RGS6: variants seen among roughly 807,000 people sequenced by gnomAD.
The protein encoded by RGS6 is regulator of G protein signaling 6.
RGS6 carries 30 observed loss-of-function variants against 78.5 expected under a neutral mutation model. That is an observed-to-expected ratio of 0.38 (90% CI 0.29 to 0.52). The LOEUF (loss-of-function observed/expected upper bound fraction) is 0.52. Among genes scored for constraint, RGS6 ranks in the 20% least tolerant of loss-of-function variants. The probability of loss-of-function intolerance (pLI) is 0.85; values close to 1 mark genes in which losing one functional copy is unlikely to be tolerated. For missense variants in RGS6, 495 were observed against 609.7 expected (o/e 0.81, Z 1.98); for synonymous variants, 206 against 206.0 (o/e 1.00, Z 0.00).
Position 72,256,631 on chromosome 14 carries a change from G to A in RGS6, c.85-95464G>A, listed in dbSNP as rs1014751817. Among the ~76,000 whole-genome samples, 6 of 152,264 alleles carry A rather than the reference G, an allele frequency of 3.9e-5. No homozygotes were observed. In the South Asian group the frequency reaches 6.2e-4, roughly 16 times the overall value. ...TTTTCAGTCCCTAAACAAGGAGGGG[G>A]TTAGTTTTGGGAAAGGGCTATTATC... On this transcript the variant is annotated intron_variant, in intron 2 of 17. Coordinates refer to ENST00000553525, the MANE Select transcript of RGS6 (RefSeq NM_001204424.2).
chr14:71,997,011 G>T (rs531149173), intron 2 of RGS6, among the ~76,000 whole-genome samples: 1 of 152,292 alleles, frequency 6.6e-6, no homozygotes, highest in Admixed American at 6.5e-5. Context: ...GATCCAAGGT[G>T]CAGGAAATGG....
intron 2 of RGS6, among the ~76,000 whole-genome samples, chr14:72,128,781 C>T (rs1489481161): frequency 1.3e-5 from 2 of 152,194 alleles, no homozygotes; most frequent in Non-Finnish European, 2.9e-5. Flanking sequence ...AAACGCCTGC[C>T]TGGAGTCCTT....
At chr14:72,515,137 A>G (rs920463500) in intron 14 of RGS6, among the ~76,000 whole-genome samples, 2 of 152,210 alleles carry the variant, frequency 1.3e-5, no homozygotes, top group Non-Finnish European at 2.9e-5. Flanking sequence ...TCCAAGGCAG[A>G]CAGAAGGCCA....
intron 2 of RGS6, among the ~76,000 whole-genome samples, chr14:72,237,884 T>TA (rs1255817708): frequency 1.3e-5 from 2 of 152,178 alleles, no homozygotes; most frequent in Non-Finnish European, 2.9e-5. Context: ...TCATAGCAGT[T>TA]ACTATCTGCA....
chr14:72,083,143 T>C (rs2094892256), intron 2 of RGS6, among the ~76,000 whole-genome samples: 1 of 152,202 alleles, frequency 6.6e-6, no homozygotes, highest in African/African-American at 2.4e-5. Flanking sequence ...CTATAAGGTC[T>C]CAGCCACAAT....
At chr14:72,435,598 T>C (rs1467713873) in intron 3 of RGS6, among the ~76,000 whole-genome samples, 1 of 152,154 alleles carries the variant, frequency 6.6e-6, no homozygotes, top group East Asian at 1.9e-4. Flanking sequence ...AATCCAGGTA[T>C]TGGCAACAGA....
intron 6 of RGS6, chr14:72,464,769 A>G (rs1466390184): frequency 6.6e-6 from 1 of 152,240 alleles, no homozygotes; most frequent in African/African-American, 2.4e-5. Flanking sequence ...AAACAGGGAA[A>G]CCAGGGGCCA....
intron 3 of RGS6, among the ~76,000 whole-genome samples, chr14:72,355,932 A>G (rs1227416172): frequency 6.6e-6 from 1 of 152,170 alleles, no homozygotes; most frequent in Non-Finnish European, 1.5e-5. Context: ...AGTCAAGAAA[A>G]TAAGGAGAGT....
At chr14:72,265,963 G>T (rs2059000694) in intron 2 of RGS6, among the ~76,000 whole-genome samples, 1 of 151,924 alleles carries the variant, frequency 6.6e-6, no homozygotes, top group African/African-American at 2.4e-5. Context: ...GAGGCAGGTG[G>T]GAGGTGTACA....
At chr14:72,407,020 A>G (rs2092991084) in intron 3 of RGS6, among the ~76,000 whole-genome samples, 1 of 152,244 alleles carries the variant, frequency 6.6e-6, no homozygotes. Context: ...ACATTGGGTA[A>G]TGAAAACTGT....
chr14:72,567,048 G>A (rs2097714132), downstream of RGS6, among the ~76,000 whole-genome samples: 1 of 152,176 alleles, frequency 6.6e-6, no homozygotes, highest in Non-Finnish European at 1.5e-5. Flanking sequence ...GAGGATGAGC[G>A]CAAGGTAAAA....
chr14:72,079,345 TTATCA>T (rs1004266570), intron 2 of RGS6, among the ~76,000 whole-genome samples: 3 of 152,192 alleles, frequency 2.0e-5, no homozygotes, highest in African/African-American at 7.2e-5. Context: ...CTTAGCTATA[TTATCA>T]TATATTTATT....
intron 3 of RGS6, among the ~76,000 whole-genome samples, chr14:72,362,602 A>G (rs2081659857): frequency 6.6e-6 from 1 of 152,182 alleles, no homozygotes; most frequent in African/African-American, 2.4e-5. Context: ...GTATCTGCCA[A>G]TAGGTTAGAT....
intron 2 of RGS6, among the ~76,000 whole-genome samples, chr14:72,065,520 C>G (rs2094100708): frequency 6.6e-6 from 1 of 152,128 alleles, no homozygotes; most frequent in Non-Finnish European, 1.5e-5. Flanking sequence ...TTATAATTTA[C>G]CCATGCTTGA....
At chr14:72,215,020 T>C (rs1228486760) in intron 2 of RGS6, among the ~76,000 whole-genome samples, 1 of 152,150 alleles carries the variant, frequency 6.6e-6, no homozygotes, top group East Asian at 1.9e-4. Flanking sequence ...TCTATGACTG[T>C]CATCAGGACA....
chr14:72,615,629 C>T, the RGS6 span, among the ~76,000 whole-genome samples: 1 of 152,198 alleles, frequency 6.6e-6, no homozygotes, highest in African/African-American at 2.4e-5. Flanking sequence ...CAGGCTCTTC[C>T]CTGGTTCCAG....
chr14:71,975,669 G>A (rs577361107), intron 2 of RGS6, among the ~76,000 whole-genome samples: 3 of 152,234 alleles, frequency 2.0e-5, no homozygotes, highest in Non-Finnish European at 4.4e-5. Flanking sequence ...ATGTTGACCA[G>A]GATGGTCTCG....
intron 3 of RGS6, among the ~76,000 whole-genome samples, chr14:72,370,623 A>G (rs2083314527): frequency 6.6e-6 from 1 of 152,162 alleles, no homozygotes; most frequent in Non-Finnish European, 1.5e-5. Flanking sequence ...ATATTAAACA[A>G]ATTTATGATG....
At chr14:71,871,169 TG>T in the RGS6 span, among the ~76,000 whole-genome samples, 1 of 152,074 alleles carries the variant, frequency 6.6e-6, no homozygotes, top group Admixed American at 6.6e-5. Flanking sequence ...ACCTGCTATT[TG>T]GGGGGTGAGG....
Sources: gnomAD v4.1 joint callset for allele counts (sites outside exome capture counted in the v4.1 genomes callset) on GRCh38, gnomAD v4.1.1 for gene constraint, MANE v1.5 for transcripts, NCBI Gene and HGNC (gene_info 2026-07-23, HGNC 2026-07-21) for gene names.